CDH4: variants seen among roughly 807,000 people sequenced by gnomAD.
CDH4 encodes cadherin 4.
CDH4 carries 33 observed loss-of-function variants against 86.0 expected under a neutral mutation model. The ratio of observed to expected loss-of-function variants is 0.38; its 90% CI spans 0.29 to 0.51. The LOEUF (loss-of-function observed/expected upper bound fraction) is 0.51. CDH4 is among the 20% of genes least tolerant of loss of function. The pLI is 0.86. For synonymous variants in CDH4, 555 were observed against 549.4 expected (o/e 1.01, Z -0.14); for missense variants, 1,114 against 1,307.4 (o/e 0.85, Z 2.28).
chr20:61,929,159 CTTT>C (rs11474756), intron 12 of CDH4, among the ~76,000 whole-genome samples: 1 of 148,528 alleles, frequency 6.7e-6, no homozygotes, highest in Non-Finnish European at 1.5e-5. Context: ...TCTCCAATGT[CTTT>C]TTTTTTTTGA....
At chr20:61,866,154 C>A (rs1053387842) in intron 6 of CDH4, among the ~76,000 whole-genome samples, 6 of 152,072 alleles carry the variant, frequency 3.9e-5, no homozygotes, top group African/African-American at 1.4e-4. Flanking sequence ...ACCCTCGGTG[C>A]CACCCCCTGG....
chr20:61,661,470 CT>C (rs11472090), intron 2 of CDH4, among the ~76,000 whole-genome samples: 261 of 115,082 alleles, frequency 2.3e-3, no homozygotes, highest in East Asian at 0.011. Context: ...TGCTTTCTGA[CT>C]TTTTTTTTTT....
At chr20:61,643,941 G>T (rs1419981412) in intron 2 of CDH4, among the ~76,000 whole-genome samples, 1 of 152,242 alleles carries the variant, frequency 6.6e-6, no homozygotes, top group Non-Finnish European at 1.5e-5. Context: ...CTTTCTGGGA[G>T]AATTTTGCTA....
intron 2 of CDH4, among the ~76,000 whole-genome samples, chr20:61,689,580 T>A (rs1412167642): frequency 7.6e-5 from 4 of 52,352 alleles, no homozygotes; most frequent in East Asian, 6.8e-4. Flanking sequence ...GTGATGTGGA[T>A]TCCGGCGGGG....
intron 2 of CDH4, chr20:61,370,800 G>A (rs916158559): frequency 1.3e-5 from 2 of 152,202 alleles, no homozygotes; most frequent in African/African-American, 4.8e-5. Flanking sequence ...TATAAAACTT[G>A]GGATGGTGAG....
rs1467515551 is a variant in CDH4 at position 61,556,347 on chromosome 20, C to CGAA, written c.170-187216_170-187215insGAA. 1.3e-3 allele frequency among the ~76,000 whole-genome samples: 205 copies of CGAA among 152,200 alleles called. 2 individuals are homozygous for CGAA. The highest frequency in any genetic ancestry group is 4.8e-3 in the African/African-American group (199 of 41,528). On this transcript the variant is annotated intron_variant, in intron 2 of 15. Coordinates refer to ENST00000614565, the MANE Select transcript of CDH4 (RefSeq NM_001794.5). ...CTTTTATGATTCAGAAGAAAGAAAT[C>CGAA]ATGGAGAGAGAGGCTCCGGGGGGCA... is the stretch of plus-strand genomic sequence containing the variant.
intron 2 of CDH4, among the ~76,000 whole-genome samples, chr20:61,447,645 T>A (rs902773340): frequency 1.8e-5 from 2 of 114,172 alleles, no homozygotes; most frequent in Non-Finnish European, 3.6e-5. Flanking sequence ...TTTTTTTTTT[T>A]AGCTTGAGAT....
At chr20:61,856,137 T>C (rs1401536772) in intron 6 of CDH4, among the ~76,000 whole-genome samples, 1 of 152,018 alleles carries the variant, frequency 6.6e-6, no homozygotes, top group East Asian at 1.9e-4. Flanking sequence ...AATAGAAGGG[T>C]TCTACACAGT....
intron 2 of CDH4, among the ~76,000 whole-genome samples, chr20:61,327,204 GAT>G (rs2123253477): frequency 6.6e-6 from 1 of 152,258 alleles, no homozygotes; most frequent in East Asian, 1.9e-4. Context: ...AGAAAAGGCA[GAT>G]ATGTGTGGCT....
intron 4 of CDH4, among the ~76,000 whole-genome samples, chr20:61,838,235 T>A (rs2146091496): frequency 6.6e-6 from 1 of 152,210 alleles, no homozygotes; most frequent in East Asian, 1.9e-4. Flanking sequence ...GGGCCCTACC[T>A]ACCAACAGGC....
chr20:61,307,959 C>T (rs114005075), intron 2 of CDH4, among the ~76,000 whole-genome samples: 5,584 of 152,244 alleles, frequency 0.037, 110 homozygotes, highest in Middle Eastern at 0.058. Context: ...GTGGTGTCAC[C>T]GTAGGAGCTG....
At position 61,902,441 on chromosome 20, in the gene CDH4, C is replaced by T. The variant is rs2054736869; in HGVS notation, c.1188+7394C>T. Among the ~76,000 whole-genome samples the T allele has an allele frequency of 1.3e-5, 2 of 152,254 alleles. No homozygotes were observed. ...CGCTCCCGTGCTCGTTGCAGGAGTGCAAGGGCAGATCCACAGAGGAGCGTG... is the reference window on the plus strand; with the variant it reads ...CGCTCCCGTGCTCGTTGCAGGAGTGTAAGGGCAGATCCACAGAGGAGCGTG... On this transcript the variant is annotated intron_variant, in intron 8 of 15. Coordinates refer to ENST00000614565, the MANE Select transcript of CDH4 (RefSeq NM_001794.5). The surrounding 1 kb of genome is among the most constrained non-coding windows in gnomAD (Gnocchi z 4.6).
At chr20:61,763,826 G>A (rs948461856) in intron 3 of CDH4, among the ~76,000 whole-genome samples, 4 of 152,278 alleles carry the variant, frequency 2.6e-5, no homozygotes, top group Non-Finnish European at 5.9e-5. Flanking sequence ...TAACAGATGC[G>A]TGGATTCGAG....
At chr20:61,416,396 C>A (rs2145496557) in intron 2 of CDH4, among the ~76,000 whole-genome samples, 1 of 152,306 alleles carries the variant, frequency 6.6e-6, no homozygotes, top group East Asian at 1.9e-4. Context: ...CTCATTGTTT[C>A]TCACAGCTGC....
chr20:61,889,513 G>A (rs1303591078), intron 7 of CDH4, among the ~76,000 whole-genome samples: 2 of 151,562 alleles, frequency 1.3e-5, no homozygotes, highest in African/African-American at 4.9e-5. Context: ...ATGATGGATG[G>A]ATGGATGATG....
rs561035573 is a variant in CDH4 at position 61,777,758 on chromosome 20, A to G, written c.576+4576A>G. 4.1e-4 allele frequency among the ~76,000 whole-genome samples: 62 copies of G among 151,732 alleles called. 8 individuals carry two copies. The Middle Eastern group carries it at 0.01, about 25-fold the overall frequency. ...TACAAAAACACACACCCACATGCGC[A>G]CACACGTGCATACAAAAACACACAT... On this transcript the variant is annotated intron_variant, in intron 4 of 15. Transcript: ENST00000614565.
chr20:61,766,435 C>G (rs2145977038), intron 3 of CDH4, among the ~76,000 whole-genome samples: 2 of 152,182 alleles, frequency 1.3e-5, no homozygotes, highest in East Asian at 3.9e-4. Flanking sequence ...GAAGTCCTGC[C>G]CAGCTTTTAG....
chr20:61,625,391 C>T (rs1412801791), intron 2 of CDH4, among the ~76,000 whole-genome samples: 1 of 152,044 alleles, frequency 6.6e-6, no homozygotes, highest in Non-Finnish European at 1.5e-5. Flanking sequence ...GCTGAACCAG[C>T]TTGGCATCTT....
At chr20:61,565,366 G>T (rs865792114) in intron 2 of CDH4, among the ~76,000 whole-genome samples, 1 of 39,666 alleles carries the variant, frequency 2.5e-5, no homozygotes, top group South Asian at 9.6e-4. Context: ...TGGGGTGATG[G>T]TGGTGGTGGT....
Sources: gnomAD v4.1 joint callset for allele counts (sites outside exome capture counted in the v4.1 genomes callset) on GRCh38, gnomAD v4.1.1 for gene constraint, Gnocchi (gnomAD v3.1) non-coding constraint, MANE v1.5 for transcripts, NCBI Gene and HGNC (gene_info 2026-07-23, HGNC 2026-07-21) for gene names.